Variants in NEIL1 observed in about 807,000 individuals in gnomAD.
NEIL1 encodes endonuclease 8-like 1.
Under a neutral mutation model 44.2 loss-of-function variants are expected in NEIL1, and 31 were observed. That is an observed-to-expected ratio of 0.70 (90% CI 0.53 to 0.95). The LOEUF (loss-of-function observed/expected upper bound fraction) is 0.95. Among genes scored for constraint, NEIL1 ranks in the 40% least tolerant of loss-of-function variants. The pLI is 0.00. For missense variants in NEIL1, 549 were observed against 515.5 expected (o/e 1.07, Z -0.63); for synonymous variants, 254 against 209.7 (o/e 1.21, Z -1.83).
At chr15:75,353,245 A>ACACACG in intron 5 of NEIL1, 1 of 249,546 alleles carries the variant, frequency 4.0e-6, no homozygotes, top group South Asian at 5.2e-5. Context: ...ACACACACAC[A>ACACACG]CACACGCACG....
rs150730583 is a variant in NEIL1 at position 75,352,135 on chromosome 15, G to A, written c.459G>A (p.Ala153=). 1.5e-4 allele frequency: 235 copies of A among 1,614,174 alleles called. No individual in the cohort carries two copies. In the African/African-American group the frequency reaches 2.4e-3, roughly 17 times the overall value. The change falls in exon 3 of 10, where the codon GCG becomes GCA. Residue 153 remains alanine (A), a synonymous_variant. Transcript: ENST00000355059. ...QFRENVLRNL[A]DKAFDRPICE... is the part of the protein sequence containing the mutation. ...GGGAGAATGTGCTACGAAACCTAGC[G>A]GATAAGGCCTTTGACCGGCCCATCT... is the stretch of plus-strand genomic sequence containing the variant.
Position 75,355,130 on chromosome 15 carries a change from A to C in NEIL1, c.*96A>C, listed in dbSNP as rs1366895952. 5 of 1,015,114 alleles carry C rather than the reference A, an allele frequency of 4.9e-6. No individual in the cohort carries two copies. Among genetic ancestry groups the C allele is most frequent in the Non-Finnish European group, 7.5e-6 (5 of 670,344 alleles). 62.9% of individuals were successfully genotyped at this position (1,015,114 alleles called of 1,614,324 possible). On this transcript the variant is annotated 3_prime_UTR_variant, in exon 10 of 10. Coordinates refer to ENST00000355059, the MANE Select transcript of NEIL1 (RefSeq NM_024608.4). ...GGGAGCAGGCAATATCTGAAGGTGC[A>C]AACAGGCCCTACGGCTGTTCCCTGC... is the stretch of plus-strand genomic sequence containing the variant.
rs1402785144 is a variant in NEIL1 at position 75,347,112 on chromosome 15, T to A, written c.-384T>A. ...CTCTCCGCAACAGAACCATCTCAAG[T>A]GGGTCTACCTCCTCGCCTTTTTTTG... On this transcript the variant is annotated 5_prime_UTR_variant, in exon 1 of 10. Transcript: ENST00000355059. The A allele has an allele frequency of 1.3e-5, 2 of 152,292 alleles. No homozygotes were observed. Among genetic ancestry groups the A allele is most frequent in the Non-Finnish European group, 2.9e-5 (2 of 68,066 alleles). The allele number at this position is 152,292 out of a possible 1,614,324, so 9.4% of individuals were successfully genotyped here.
chr15:75,350,400 G>A (rs1255713838), intron 2 of NEIL1, among the ~76,000 whole-genome samples: 2 of 152,182 alleles, frequency 1.3e-5, no homozygotes, highest in Non-Finnish European at 2.9e-5. Flanking sequence ...AGGAGGTAGA[G>A]GATGACTTGG....
rs1055926493 is a variant in NEIL1, at chr15:75,356,459, G to A, written c.*1425G>A. The A allele has an allele frequency of 8.8e-6, 14 of 1,590,062 alleles. No individual in the cohort carries two copies. The highest frequency in any genetic ancestry group is 2.3e-5 in the East Asian group (1 of 44,424). On this transcript the variant is annotated 3_prime_UTR_variant, in exon 10 of 10. Coordinates refer to ENST00000355059, the MANE Select transcript of NEIL1 (RefSeq NM_024608.4). This position sits in a 1 kb window ranked among gnomAD's most constrained non-coding sequence, Gnocchi z 5.8. The stretch of plus-strand genomic sequence containing the variant: ...GCATCCTGGAAAGAGCCTGGGGTAC[G>A]ACCAGGAAACAATGCTGGTGGAGAA...
intron 2 of NEIL1, chr15:75,349,611 C>T (rs566486858): frequency 3.4e-4 from 157 of 468,330 alleles, no homozygotes; most frequent in African/African-American, 2.6e-3. Context: ...GTCAGGAGTT[C>T]GAGACCAGCC....
At chr15:75,348,564 C>A in intron 1 of NEIL1, 1 of 1,204,302 alleles carries the variant, frequency 8.3e-7, no homozygotes, top group Non-Finnish European at 1.0e-6. Flanking sequence ...TGAGGGGAGC[C>A]GGGAAGAAGT....
chr15:75,351,931 C>G (rs780363867), intron 2 of NEIL1, 180 bp from the exon 3 acceptor site: 5 of 606,752 alleles, frequency 8.2e-6, no homozygotes, highest in Non-Finnish European at 1.5e-5. Flanking sequence ...CGTCCTTTCA[C>G]AATGAATTTA....
intron 6 of NEIL1, 139 bp downstream of exon 6, chr15:75,354,005 C>T: frequency 8.1e-7 from 1 of 1,239,934 alleles, no homozygotes; most frequent in Non-Finnish European, 1.1e-6. Flanking sequence ...GGTCACACCC[C>T]TCCCCTCCCA....
chr15:75,348,460 G>C, intron 1 of NEIL1: 3 of 1,027,812 alleles, frequency 2.9e-6, no homozygotes, highest in Non-Finnish European at 1.2e-6. Context: ...CGTGTGCGGA[G>C]GGGGTGCTCC....
Position 75,352,348 on chromosome 15 carries a change from G to A in NEIL1, c.579G>A (p.Lys193=), listed in dbSNP as rs201593100. 2.5e-6 allele frequency: 4 copies of A among 1,614,154 alleles called. No individual in the cohort carries two copies. The highest frequency in any genetic ancestry group is 3.4e-6 in the Non-Finnish European group (4 of 1,180,040). Residue 193 remains lysine, a synonymous_variant, in exon 4 of 10, where the codon AAG becomes AAA. Coordinates refer to ENST00000355059, the MANE Select transcript of NEIL1 (RefSeq NM_024608.4). ...GGCTGAAGATCCCCCCCTTTGAGAAGGCCCGCTCGGTCCTGGAGGCCCTGC... is the reference window on the plus strand; with the variant it reads ...GGCTGAAGATCCCCCCCTTTGAGAAAGCCCGCTCGGTCCTGGAGGCCCTGC... The part of the protein sequence containing the change: ...LYRLKIPPFE[K]ARSVLEALQQ...
rs765806019 is a variant in NEIL1 at position 75,354,765 on chromosome 15, A to C, written c.1049A>C (p.Glu350Ala). ...GGGACCAGCCTCCAGCAGGACCCAGAAGCTCCCACAGTGCCCAAGAAGGGG... is the reference window on the plus strand; with the variant it reads ...GGGACCAGCCTCCAGCAGGACCCAGCAGCTCCCACAGTGCCCAAGAAGGGG... ...PEGTSLQQDP[E>A]APTVPKKGRR... is the part of the protein sequence containing the mutation. Residue 350 changes from glutamate (E) to alanine (A), a missense_variant, in exon 9 of 10, where the codon GAA (glutamate) becomes GCA (alanine). Coordinates refer to ENST00000355059, the MANE Select transcript of NEIL1 (RefSeq NM_024608.4). The C allele has an allele frequency of 6.2e-7, 1 of 1,614,116 alleles. No homozygotes were observed. The highest frequency in any genetic ancestry group is 8.5e-7 in the Non-Finnish European group (1 of 1,180,018).
intron 2 of NEIL1, 192 bp downstream of exon 2, chr15:75,349,531 G>C: frequency 6.6e-6 from 4 of 609,976 alleles, no homozygotes; most frequent in Non-Finnish European, 8.5e-6. Flanking sequence ...AAACTAATTG[G>C]GGGCCGGGTG....
At position 75,354,238 on chromosome 15, in the gene NEIL1, A is replaced by G; in HGVS notation, c.847-12A>G. 1 of 1,614,040 alleles carries G rather than the reference A, an allele frequency of 6.2e-7. No individual in the cohort carries two copies. The highest frequency in any genetic ancestry group is 8.5e-7 in the Non-Finnish European group (1 of 1,179,950). ...CCAGGCTGATTCCTGAATTATCCCC[A>G]TCCCATTTTAGGGGGATCCTGGACC... On this transcript the variant is annotated splice_polypyrimidine_tract_variant and intron_variant, in intron 6 of 9. Transcript: ENST00000355059.
At position 75,355,671 on chromosome 15, in the gene NEIL1, A is replaced by G; in HGVS notation, c.*637A>G. On this transcript the variant is annotated 3_prime_UTR_variant, in exon 10 of 10. Transcript: ENST00000355059. Reference sequence around the variant, plus strand: ...GTGGGGGCTGCAACCCAGACCCTGCACGCACAGGTACCTTAGGATCTTGCC... The same window carrying G: ...GTGGGGGCTGCAACCCAGACCCTGCGCGCACAGGTACCTTAGGATCTTGCC... 1 of 513,844 alleles carries G rather than the reference A, an allele frequency of 1.9e-6. No individual in the cohort carries two copies. Among genetic ancestry groups the G allele is most frequent in the African/African-American group, 1.9e-5 (1 of 51,762 alleles). 31.8% of individuals were successfully genotyped at this position (513,844 alleles called of 1,614,324 possible). A position where few individuals can be genotyped will look rare whatever the true frequency, so the allele number is the denominator to read the frequency against.
At chr15:75,348,458 G>A in intron 1 of NEIL1, 1 of 1,026,944 alleles carries the variant, frequency 9.7e-7, no homozygotes, top group Non-Finnish European at 1.2e-6. Flanking sequence ...AGCGTGTGCG[G>A]AGGGGGTGCT....
At chr15:75,348,251 C>T (rs2071597199) in intron 1 of NEIL1, 4 of 897,384 alleles carry the variant, frequency 4.5e-6, no homozygotes, top group African/African-American at 3.6e-5. Flanking sequence ...GGGGCAGGCC[C>T]GGTTCTCGCT....
Position 75,354,440 on chromosome 15 carries a change from C to T in NEIL1, c.884C>T (p.Ser295Phe). The T allele has an allele frequency of 1.2e-6, 2 of 1,614,192 alleles. No individual in the cohort carries two copies. The highest frequency in any genetic ancestry group is 1.7e-6 in the Non-Finnish European group (2 of 1,180,014). ...CACCAGTGTCCTGCAGGGCGCAAGTCCCGCAAAAAGAAATCCAAGGCCACA... is the reference window on the plus strand; with the variant it reads ...CACCAGTGTCCTGCAGGGCGCAAGTTCCGCAAAAAGAAATCCAAGGCCACA... ...PGPLAPKGRK[S>F]RKKKSKATQL... is the part of the protein sequence containing the mutation. The change falls in exon 8 of 10, where the codon TCC becomes TTC. Residue 295 changes from serine to phenylalanine, a missense_variant. By Grantham distance (155) the Ser-to-Phe change is radical. Transcript: ENST00000355059.
Position 75,355,165 on chromosome 15 carries a change from A to C in NEIL1, c.*131A>C. 15 of 690,592 alleles carry C rather than the reference A, an allele frequency of 2.2e-5. No homozygotes were observed. The highest frequency in any genetic ancestry group is 2.7e-5 in the Non-Finnish European group (11 of 407,238). 42.8% of individuals were successfully genotyped at this position (690,592 alleles called of 1,614,324 possible). On this transcript the variant is annotated 3_prime_UTR_variant, in exon 10 of 10. Coordinates refer to ENST00000355059, the MANE Select transcript of NEIL1 (RefSeq NM_024608.4). ...TACGGCTGTTCCCTGCACAACTCTC[A>C]TGGTTTTAATTGTACCCCATCTTCC... is the stretch of plus-strand genomic sequence containing the variant.
Sources: allele counts gnomAD v4.1 joint callset (sites outside exome capture counted in the v4.1 genomes callset), GRCh38; gene constraint gnomAD v4.1.1; non-coding constraint Gnocchi (gnomAD v3.1); transcripts MANE v1.5; gene names NCBI Gene and HGNC (gene_info 2026-07-23, HGNC 2026-07-21).